MAPK4: variants seen among roughly 807,000 people sequenced by gnomAD.
The protein encoded by MAPK4 is Erk3-related.
Under a neutral mutation model 47.7 loss-of-function variants are expected in MAPK4, and 22 were observed. The observed-to-expected ratio is 0.46, with a 90% CI of 0.33 to 0.66. MAPK4 has a LOEUF of 0.66. Ranked by LOEUF, MAPK4 falls within the 30% of genes least tolerant of loss-of-function variation. The pLI, the probability that MAPK4 is intolerant of heterozygous loss-of-function variation, is 0.02. For synonymous variants in MAPK4, 390 were observed against 365.7 expected, an observed-to-expected ratio of 1.07 and a Z score of -0.76; for missense variants, 736 against 831.7, an observed-to-expected ratio of 0.88 and a Z score of 1.42.
rs1487623583 is a variant in MAPK4 at position 50,678,225 on chromosome 18, G to A, written c.546+13721G>A. 6.6e-6 allele frequency among the ~76,000 whole-genome samples: 1 copy of A among 152,210 alleles called. No homozygotes were observed. The highest frequency in any genetic ancestry group is 2.4e-5 in the African/African-American group (1 of 41,458). On this transcript the variant is annotated intron_variant, in intron 2 of 5. Coordinates refer to ENST00000400384, the MANE Select transcript of MAPK4 (RefSeq NM_002747.4). This position sits in a 1 kb window ranked among gnomAD's most constrained non-coding sequence, Gnocchi z 4.2. ...GGGAACAAGTCAGAAAATTCTTACT[G>A]TAATGAACTTGTCAAAATGGATTAA...
intron 1 of MAPK4, among the ~76,000 whole-genome samples, chr18:50,635,992 T>C (rs2042884179): frequency 6.6e-6 from 1 of 152,174 alleles, no homozygotes; most frequent in Non-Finnish European, 1.5e-5. Flanking sequence ...CTCAATTCAC[T>C]CCACTCCCTG....
chr18:50,730,683 T>G lies in MAPK4; in HGVS notation c.*829T>G, dbSNP rs1303990761. 1 of 152,476 alleles carries G rather than the reference T, an allele frequency of 6.6e-6. No individual in the cohort carries two copies. The highest frequency in any genetic ancestry group is 1.5e-5 in the Non-Finnish European group (1 of 68,036). 9.4% of individuals were successfully genotyped at this position (152,476 alleles called of 1,614,324 possible). ...GCACACACCCCCTCAGCACTCCCTATGCACTTTCCTGACACGCAAAGACAC... is the reference window on the plus strand; with the variant it reads ...GCACACACCCCCTCAGCACTCCCTAGGCACTTTCCTGACACGCAAAGACAC... On this transcript the variant is annotated 3_prime_UTR_variant, in exon 6 of 6. Transcript: ENST00000400384.
chr18:50,584,040 A>G (rs1337414708), intron 1 of MAPK4, among the ~76,000 whole-genome samples: 2 of 152,210 alleles, frequency 1.3e-5, no homozygotes, highest in Admixed American at 6.5e-5. Flanking sequence ...CCTGTTCATC[A>G]TAATTGCTAT....
chr18:50,592,680 G>A (rs68014131), intron 1 of MAPK4, among the ~76,000 whole-genome samples: 8,675 of 152,308 alleles, frequency 0.057, 332 homozygotes, highest in Non-Finnish European at 0.082. Context: ...AAGTAAAAAT[G>A]TATTGACTGA....
At chr18:50,573,677 GTACCTGA>G (rs2042269444) in intron 1 of MAPK4, among the ~76,000 whole-genome samples, 1 of 152,092 alleles carries the variant, frequency 6.6e-6, no homozygotes, top group South Asian at 2.1e-4. Flanking sequence ...CATGAAATTG[GTACCTGA>G]TGCCAAAAGG....
Position 50,664,276 on chromosome 18 carries a change from G to A in MAPK4, c.318G>A (p.Glu106=), listed in dbSNP as rs764149135. 1.4e-5 allele frequency: 22 copies of A among 1,613,534 alleles called. No homozygotes were observed. The highest frequency in any genetic ancestry group is 3.3e-5 in the Admixed American group (2 of 60,012). ...FKFSVAYIVQ[E]YMETDLARLL... ...TCAGCGTGGCGTACATCGTCCAGGAGTACATGGAGACCGACCTGGCACGCC... is the reference window on the plus strand; with the variant it reads ...TCAGCGTGGCGTACATCGTCCAGGAATACATGGAGACCGACCTGGCACGCC... Residue 106 remains glutamate (E), a synonymous_variant, in exon 2 of 6, where the codon GAG becomes GAA. Transcript: ENST00000400384. This position sits in a 1 kb window ranked among gnomAD's most constrained non-coding sequence, Gnocchi z 6.0.
intron 1 of MAPK4, among the ~76,000 whole-genome samples, chr18:50,599,222 A>G (rs1018451436): frequency 1.3e-5 from 2 of 152,184 alleles, no homozygotes; most frequent in African/African-American, 4.8e-5. Flanking sequence ...CTTGAGAACA[A>G]TAGCTAATTA....
chr18:50,606,481 G>T (rs532932282), intron 1 of MAPK4, among the ~76,000 whole-genome samples: 37 of 152,268 alleles, frequency 2.4e-4, no homozygotes, highest in African/African-American at 8.2e-4. Context: ...CAAAAATGCT[G>T]CCCTATCTAT....
intron 1 of MAPK4, among the ~76,000 whole-genome samples, chr18:50,563,618 A>G (rs1182734836): frequency 1.3e-5 from 2 of 152,132 alleles, no homozygotes; most frequent in Non-Finnish European, 2.9e-5. Flanking sequence ...CTTGACTGTA[A>G]TCTTCTTCAA....
chr18:50,618,178 C>T (rs1161509891), intron 1 of MAPK4, among the ~76,000 whole-genome samples: 2 of 152,188 alleles, frequency 1.3e-5, no homozygotes, highest in Admixed American at 6.5e-5. Flanking sequence ...CTACCTCCAT[C>T]TCCAGGCTTA....
intron 1 of MAPK4, among the ~76,000 whole-genome samples, chr18:50,594,404 T>C (rs1156815821): frequency 2.0e-5 from 3 of 152,080 alleles, no homozygotes; most frequent in Non-Finnish European, 4.4e-5. Context: ...AGTATAAAGA[T>C]AGACAAATAG....
intron 1 of MAPK4, among the ~76,000 whole-genome samples, chr18:50,632,770 C>T (rs2042843458): frequency 6.6e-6 from 1 of 152,020 alleles, no homozygotes; most frequent in Admixed American, 6.6e-5. Context: ...TAGGCATGTA[C>T]CACCATACCC....
At chr18:50,573,739 G>T (rs1020518885) in intron 1 of MAPK4, among the ~76,000 whole-genome samples, 1 of 152,132 alleles carries the variant, frequency 6.6e-6, no homozygotes, top group Admixed American at 6.5e-5. Flanking sequence ...AGAAATTCTG[G>T]TTTTTGTTAA....
chr18:50,609,064 C>G (rs1160149761), intron 1 of MAPK4, among the ~76,000 whole-genome samples: 1 of 152,134 alleles, frequency 6.6e-6, no homozygotes, highest in Non-Finnish European at 1.5e-5. Context: ...AACAGCATCC[C>G]AAGGCAGAAG....
intron 2 of MAPK4, among the ~76,000 whole-genome samples, chr18:50,699,386 A>G (rs1598926670): frequency 6.6e-6 from 1 of 152,244 alleles, no homozygotes; most frequent in African/African-American, 2.4e-5. Context: ...TGGTCCTAGC[A>G]AGCAAAATAA....
Position 50,704,735 on chromosome 18 carries a change from T to C in MAPK4, c.547-10344T>C, listed in dbSNP as rs575270449. 8 of 398,636 alleles carry C rather than the reference T, an allele frequency of 2.0e-5. No individual in the cohort carries two copies. The South Asian group carries it at 1.0e-3, about 51-fold the overall frequency. The allele number at this position is 398,636 out of a possible 1,614,324, so 24.7% of individuals were successfully genotyped here. A position where few individuals can be genotyped will look rare whatever the true frequency, so the allele number is the denominator to read the frequency against. On this transcript the variant is annotated intron_variant, in intron 2 of 5. Transcript: ENST00000400384. Reference sequence around the variant, plus strand: ...GGAGGCCTAATGGAGGACTCTGTGATGTTGGACTATGTTGTGTCGTTACCC... The same window carrying C: ...GGAGGCCTAATGGAGGACTCTGTGACGTTGGACTATGTTGTGTCGTTACCC...
intron 2 of MAPK4, among the ~76,000 whole-genome samples, chr18:50,671,564 G>A (rs9965504): frequency 0.066 from 10,020 of 152,118 alleles, 854 homozygotes; most frequent in African/African-American, 0.2. Context: ...GTGGCTTTGC[G>A]TGGGAGCTCT....
At chr18:50,658,636 G>A (rs1025470612) in intron 1 of MAPK4, among the ~76,000 whole-genome samples, 1 of 152,246 alleles carries the variant, frequency 6.6e-6, no homozygotes, top group African/African-American at 2.4e-5. Context: ...GGGTTGCGGA[G>A]CAAGGCACAT....
chr18:50,568,877 C>T (rs2149357489), intron 1 of MAPK4, among the ~76,000 whole-genome samples: 1 of 152,338 alleles, frequency 6.6e-6, no homozygotes, highest in South Asian at 2.1e-4. Context: ...ATCTTGATTA[C>T]TGAATTTCCA....
Sources: gnomAD v4.1 joint callset for allele counts (sites outside exome capture counted in the v4.1 genomes callset) on GRCh38, gnomAD v4.1.1 for gene constraint, Gnocchi (gnomAD v3.1) non-coding constraint, MANE v1.5 for transcripts, NCBI Gene and HGNC (gene_info 2026-07-23, HGNC 2026-07-21) for gene names.